The following ODF2 variants were observed in gnomAD, a reference collection of about 807,000 sequenced individuals.
ODF2 encodes outer dense fiber of sperm tails 2.
In ODF2, 47 loss-of-function variants were observed where a neutral mutation model predicts 110.2. That is an observed-to-expected ratio of 0.43 (90% CI 0.34 to 0.54). ODF2 has a LOEUF of 0.54. Ranked by LOEUF, ODF2 falls within the 20% of genes least tolerant of loss-of-function variation. The pLI, the probability that ODF2 is intolerant of heterozygous loss-of-function variation, is 0.03. For missense variants in ODF2, 812 were observed against 1,054.5 expected (o/e 0.77, Z 3.19); for synonymous variants, 352 against 397.7 (o/e 0.89, Z 1.37).
At position 128,487,357 on chromosome 9, in the gene ODF2, T is replaced by A. The variant is rs1362909733; in HGVS notation, c.1401-533T>A. 4.6e-5 allele frequency among the ~76,000 whole-genome samples: 7 copies of A among 152,274 alleles called. No individual in the cohort carries two copies. The East Asian group carries it at 1.4e-3, about 29-fold the overall frequency. On this transcript the variant is annotated intron_variant, in intron 13 of 20. Coordinates refer to ENST00000604420, the Ensembl canonical transcript of ODF2. ...ACGTCGTTCAGAGGTGGGACAGGCA[T>A]GGGAGTACCACAGCAGCAATGCCAA... is the stretch of plus-strand genomic sequence containing the variant.
chr9:128,476,929 G>A lies in ODF2; in HGVS notation c.843+3188G>A, dbSNP rs1400380808. Among the ~76,000 whole-genome samples the A allele has an allele frequency of 4.7e-5, 7 of 149,874 alleles. No individual in the cohort carries two copies. In the East Asian group the frequency reaches 6.3e-4, roughly 13 times the overall value. The stretch of plus-strand genomic sequence containing the variant: ...GCTGGGATTACAGGCATGAGCCACC[G>A]CGCCCGGCCTTATCTTTAAAAATTA... On this transcript the variant is annotated intron_variant, in intron 8 of 20. Transcript: ENST00000604420.
At chr9:128,463,102 A>G (rs1836930747) in intron 4 of ODF2, among the ~76,000 whole-genome samples, 1 of 151,892 alleles carries the variant, frequency 6.6e-6, no homozygotes, top group Non-Finnish European at 1.5e-5. Flanking sequence ...ATCTCTACAA[A>G]AAATAGAAAA....
At chr9:128,457,358 A>G in exon 2 of ODF2, 1 of 1,612,306 alleles carries the variant, frequency 6.2e-7, no homozygotes, top group East Asian at 2.2e-5. Flanking sequence ...CCCCCTGAGC[A>G]GAGCCTGCTG....
chr9:128,471,564 C>T lies in ODF2; in HGVS notation c.581+96C>T. The T allele has an allele frequency of 5.8e-6, 7 of 1,216,462 alleles. No homozygotes were observed. In the South Asian group the frequency reaches 8.3e-5, roughly 14 times the overall value. 75.4% of individuals were successfully genotyped at this position (1,216,462 alleles called of 1,614,324 possible). On this transcript the variant is annotated intron_variant, in intron 6 of 20. Coordinates refer to ENST00000604420, the Ensembl canonical transcript of ODF2. The stretch of plus-strand genomic sequence containing the variant: ...AATGGAAAGCAACGTAGGAGGTGGG[C>T]ACAGGCACTGTGCCTGTGCCCTGGA...
exon 12 of ODF2, chr9:128,484,749 A>G (rs563750514): frequency 1.2e-6 from 2 of 1,602,364 alleles, no homozygotes; most frequent in East Asian, 2.2e-5. Flanking sequence ...GGAGGCCATC[A>G]TGGAGCAGCT....
chr9:128,457,571 C>A, intron 2 of ODF2: 1 of 1,228,788 alleles, frequency 8.1e-7, no homozygotes, highest in Non-Finnish European at 1.1e-6. Context: ...GTTTAAAAAT[C>A]GTTTTTAAAG....
At chr9:128,461,821 C>G (rs1836542844) in intron 4 of ODF2, among the ~76,000 whole-genome samples, 2 of 152,122 alleles carry the variant, frequency 1.3e-5, no homozygotes, top group Non-Finnish European at 2.9e-5. Flanking sequence ...AGTTTATAGT[C>G]ATACCTCATA....
At chr9:128,467,289 A>G (rs1452105079) in intron 4 of ODF2, among the ~76,000 whole-genome samples, 1 of 151,696 alleles carries the variant, frequency 6.6e-6, no homozygotes. Context: ...GCATATTGAA[A>G]CATAGTAAAT....
intron 8 of ODF2, among the ~76,000 whole-genome samples, chr9:128,479,528 C>T (rs1842018609): frequency 6.6e-6 from 1 of 152,178 alleles, no homozygotes; most frequent in African/African-American, 2.4e-5. Context: ...TGAGTCCTCC[C>T]ATGTCCTGCT....
At chr9:128,500,245 C>G (rs1846322558) in exon 21 of ODF2, 1 of 1,614,190 alleles carries the variant, frequency 6.2e-7, no homozygotes, top group African/African-American at 1.3e-5. Context: ...TCCCGATCTC[C>G]TCCTGCCTGA....
At chr9:128,480,109 C>G (rs1186244284) in intron 8 of ODF2, among the ~76,000 whole-genome samples, 1 of 152,046 alleles carries the variant, frequency 6.6e-6, no homozygotes, top group African/African-American at 2.4e-5. Flanking sequence ...GCTTGGGTGA[C>G]AGAGCTAGAC....
At chr9:128,500,306 G>A (rs1846328874) in exon 21 of ODF2, 1 of 1,587,676 alleles carries the variant, frequency 6.3e-7, no homozygotes, top group African/African-American at 1.3e-5. Flanking sequence ...GAACTCCAGA[G>A]TTGCCAAGCC....
At position 128,498,581 on chromosome 9, in the gene ODF2, T is replaced by C. The variant is rs1846042610; in HGVS notation, c.2175+6T>C. The C allele has an allele frequency of 6.7e-7, 1 of 1,487,954 alleles. No individual in the cohort carries two copies. 92.2% of individuals were successfully genotyped at this position (1,487,954 alleles called of 1,614,324 possible). The stretch of plus-strand genomic sequence containing the variant: ...TTGAAGATGCGAGGAGGCAGGTCAG[T>C]CCCGATTTCATGAATGACTAGCTCT... On this transcript the variant is annotated splice_donor_region_variant and intron_variant, in intron 19 of 20. Coordinates refer to ENST00000604420, the Ensembl canonical transcript of ODF2.
At chr9:128,493,360 G>A (rs1420118431) in intron 16 of ODF2, among the ~76,000 whole-genome samples, 1 of 152,112 alleles carries the variant, frequency 6.6e-6, no homozygotes, top group Non-Finnish European at 1.5e-5. Flanking sequence ...GCTCTAGCCT[G>A]GGCAACAAGA....
intron 6 of ODF2, among the ~76,000 whole-genome samples, chr9:128,472,455 C>T (rs537885949): frequency 6.6e-6 from 1 of 152,296 alleles, no homozygotes; most frequent in South Asian, 2.1e-4. Context: ...GTGATCTGCC[C>T]ACCTCGGCTT....
chr9:128,491,651 G>A lies in ODF2; in HGVS notation c.1537-775G>A, dbSNP rs1400670669. Among the ~76,000 whole-genome samples, 4 of 151,572 alleles carry A rather than the reference G, an allele frequency of 2.6e-5. No individual in the cohort carries two copies. The South Asian group carries it at 8.3e-4, about 32-fold the overall frequency. On this transcript the variant is annotated intron_variant, in intron 14 of 20. Transcript: ENST00000604420. ...TGCACTCCAGCCTGGGTGACAGAGC[G>A]AGACTCCATCTCAAAAAAAAATAAA...
chr9:128,459,506 TC>T (rs1476505439), intron 2 of ODF2, 60 bp from the exon 2 acceptor site: 3 of 1,311,600 alleles, frequency 2.3e-6, no homozygotes, highest in Non-Finnish European at 3.3e-6. Context: ...TTTCATGAGA[TC>T]TGAAATATAA....
intron 7 of ODF2, 179 bp from the exon 8 acceptor site, chr9:128,473,431 C>A: frequency 1.5e-6 from 1 of 687,904 alleles, no homozygotes; most frequent in Non-Finnish European, 1.8e-6. Context: ...GCAGACTTAG[C>A]TCCTGCTTGT....
At chr9:128,455,606 A>T (rs971877061), upstream of ODF2, among the ~76,000 whole-genome samples, 1 of 139,326 alleles carries the variant, frequency 7.2e-6, no homozygotes. Flanking sequence ...GCAGGAAGGT[A>T]GTGAACAGAA....
Sources: allele counts gnomAD v4.1 joint callset (sites outside exome capture counted in the v4.1 genomes callset), GRCh38; gene constraint gnomAD v4.1.1; transcripts MANE v1.5; gene names NCBI Gene and HGNC (gene_info 2026-07-23, HGNC 2026-07-21).